XIRP2: variants seen among roughly 807,000 people sequenced by gnomAD.
XIRP2 encodes the protein xin actin binding repeat containing 2, also known as xin actin-binding repeat-containing protein 2.
XIRP2 carries 236 observed loss-of-function variants against 277.0 expected under a neutral mutation model. That is an observed-to-expected ratio of 0.85 (90% CI 0.77 to 0.95). The LOEUF (loss-of-function observed/expected upper bound fraction) is 0.95. Among genes scored for constraint, XIRP2 ranks in the 40% least tolerant of loss-of-function variants. XIRP2 has a pLI of 0.00. For synonymous variants in XIRP2, 1,490 were observed against 1,416.5 expected, an observed-to-expected ratio of 1.05 and a Z score of -1.17; for missense variants, 4,640 against 4,157.5, an observed-to-expected ratio of 1.12 and a Z score of -3.19.
intron 2 of XIRP2, among the ~76,000 whole-genome samples, chr2:166,987,944 C>A (rs772418526): frequency 6.6e-6 from 1 of 152,136 alleles, no homozygotes; most frequent in Non-Finnish European, 1.5e-5. Flanking sequence ...CCATAAAGTA[C>A]AATTCCAAGT....
chr2:167,083,513 G>T (rs963537369), intron 2 of XIRP2, among the ~76,000 whole-genome samples: 3 of 152,316 alleles, frequency 2.0e-5, no homozygotes, highest in African/African-American at 7.2e-5. Flanking sequence ...GGATGGCATT[G>T]AATCTGTAAA....
At chr2:167,063,957 T>C (rs1002595278) in intron 2 of XIRP2, among the ~76,000 whole-genome samples, 5 of 151,616 alleles carry the variant, frequency 3.3e-5, no homozygotes, top group Admixed American at 3.3e-4. Context: ...CTACATTTAG[T>C]GTACTATCAA....
rs144952064 is a variant in XIRP2, at chr2:167,226,535, C to T, written c.858+8235C>T. Among the ~76,000 whole-genome samples the T allele has an allele frequency of 2.2e-4, 34 of 152,276 alleles. 1 individual carries two copies. The East Asian group carries it at 6.4e-3, about 29-fold the overall frequency. ...TGTGTGGAAAACAAAAGCAAAAACACAAAGCAACCACACGAGGACTTGCAC... is the reference window on the plus strand; with the variant it reads ...TGTGTGGAAAACAAAAGCAAAAACATAAAGCAACCACACGAGGACTTGCAC... On this transcript the variant is annotated intron_variant, in intron 5 of 10. Coordinates refer to ENST00000409195, the MANE Select transcript of XIRP2 (RefSeq NM_152381.6).
At chr2:167,099,304 G>A (rs1690421374) in intron 2 of XIRP2, among the ~76,000 whole-genome samples, 1 of 152,156 alleles carries the variant, frequency 6.6e-6, no homozygotes. Flanking sequence ...TGTTTACTCT[G>A]TGAGGGGAAA....
intron 2 of XIRP2, among the ~76,000 whole-genome samples, chr2:166,951,221 A>C (rs1440204811): frequency 6.6e-6 from 1 of 152,096 alleles, no homozygotes; most frequent in Admixed American, 6.6e-5. Flanking sequence ...TTGCACTGCT[A>C]TAAATAAATA....
chr2:166,982,142 T>A (rs1346506758), intron 2 of XIRP2, among the ~76,000 whole-genome samples: 1 of 152,114 alleles, frequency 6.6e-6, no homozygotes, highest in Non-Finnish European at 1.5e-5. Context: ...TTTTTCTTTT[T>A]CTTTCGATAT....
In XIRP2 at chr2:167,244,377, T is replaced by C. The variant is rs1391417560; in HGVS notation, c.2985T>C (p.Leu995=). 1 of 1,613,514 alleles carries C rather than the reference T, an allele frequency of 6.2e-7. No homozygotes were observed. The highest frequency in any genetic ancestry group is 1.3e-5 in the African/African-American group (1 of 75,006). The change falls in exon 9 of 11, where the codon CTT becomes CTC. Residue 995 remains leucine, a synonymous_variant. Transcript: ENST00000409195. Reference sequence around the variant, plus strand: ...CACTGTATGCCATTCAAGATCCCCTTGGAAAATATCATCAAGTAAAGACAG... The same window carrying C: ...CACTGTATGCCATTCAAGATCCCCTCGGAAAATATCATCAAGTAAAGACAG... ...TTPLYAIQDP[L]GKYHQVKTVQ...
chr2:166,925,462 T>C (rs544718032), intron 2 of XIRP2, among the ~76,000 whole-genome samples: 1 of 151,704 alleles, frequency 6.6e-6, no homozygotes, highest in African/African-American at 2.4e-5. Context: ...TATGATATAA[T>C]AGTTGCTTCA....
At chr2:167,035,523 G>T (rs888493679) in intron 2 of XIRP2, among the ~76,000 whole-genome samples, 1 of 152,160 alleles carries the variant, frequency 6.6e-6, no homozygotes, top group Non-Finnish European at 1.5e-5. Flanking sequence ...ATGATTTAGG[G>T]TATCTGGTAG....
chr2:166,907,703 T>G (rs1050339347), intron 2 of XIRP2, among the ~76,000 whole-genome samples: 2 of 151,682 alleles, frequency 1.3e-5, no homozygotes, highest in East Asian at 3.9e-4. Flanking sequence ...CGTGTTGGTG[T>G]GCTGCACTCA....
At chr2:167,055,433 C>A (rs1179866983) in intron 2 of XIRP2, among the ~76,000 whole-genome samples, 1 of 152,106 alleles carries the variant, frequency 6.6e-6, no homozygotes, top group Non-Finnish European at 1.5e-5. Flanking sequence ...TAAGAAGATG[C>A]TTTTCATCAA....
At chr2:166,892,979 TATACACACACAC>T (rs1684145813) in intron 1 of XIRP2, among the ~76,000 whole-genome samples, 1 of 145,890 alleles carries the variant, frequency 6.9e-6, no homozygotes, top group Non-Finnish European at 1.5e-5. Flanking sequence ...TATATATGTA[TATACACACACAC>T]ACACACACAC....
chr2:167,033,913 G>A (rs1688435588), intron 2 of XIRP2, among the ~76,000 whole-genome samples: 1 of 151,984 alleles, frequency 6.6e-6, no homozygotes, highest in Admixed American at 6.6e-5. Context: ...GATGTTAATG[G>A]GCAAAAAGAA....
intron 2 of XIRP2, among the ~76,000 whole-genome samples, chr2:167,018,083 CAT>C (rs1687880493): frequency 6.6e-6 from 1 of 152,018 alleles, no homozygotes; most frequent in African/African-American, 2.4e-5. Context: ...TGCTTAATAA[CAT>C]TCCTCAATTT....
intron 3 of XIRP2, among the ~76,000 whole-genome samples, chr2:167,195,761 C>T (rs1693485409): frequency 6.6e-6 from 1 of 152,126 alleles, no homozygotes; most frequent in Non-Finnish European, 1.5e-5. Flanking sequence ...GGTATAGGGA[C>T]AAGAAAGGTT....
At chr2:167,203,349 T>C (rs1693773610) in intron 3 of XIRP2, among the ~76,000 whole-genome samples, 1 of 152,230 alleles carries the variant, frequency 6.6e-6, no homozygotes, top group African/African-American at 2.4e-5. Flanking sequence ...GAACGAATCC[T>C]TTTTATTACC....
intron 3 of XIRP2, among the ~76,000 whole-genome samples, chr2:167,200,412 C>T (rs1025747799): frequency 6.6e-6 from 1 of 152,040 alleles, no homozygotes; most frequent in Non-Finnish European, 1.5e-5. Flanking sequence ...AAACATAGAG[C>T]AGGAAAAAAA....
rs1687233387 is a variant in XIRP2, at chr2:166,996,784, T to G, written c.408+92894T>G. ...GTTGAGCACCCCTTCTTACGACCACTCCAGTGCACAACACACACACATAAA... is the reference window on the plus strand; with the variant it reads ...GTTGAGCACCCCTTCTTACGACCACGCCAGTGCACAACACACACACATAAA... On this transcript the variant is annotated intron_variant, in intron 2 of 10. Coordinates refer to ENST00000409195, the MANE Select transcript of XIRP2 (RefSeq NM_152381.6). 2.6e-5 allele frequency among the ~76,000 whole-genome samples: 4 copies of G among 152,046 alleles called. No individual in the cohort carries two copies. The South Asian group carries it at 8.3e-4, about 31-fold the overall frequency.
intron 2 of XIRP2, among the ~76,000 whole-genome samples, chr2:166,925,664 T>C (rs1169833641): frequency 1.3e-5 from 2 of 148,532 alleles, no homozygotes; most frequent in Non-Finnish European, 3.0e-5. Flanking sequence ...CTCCTCCAAC[T>C]ATTCTCATAG....
Sources: gnomAD v4.1 joint callset for allele counts (sites outside exome capture counted in the v4.1 genomes callset) on GRCh38, gnomAD v4.1.1 for gene constraint, MANE v1.5 for transcripts, NCBI Gene and HGNC (gene_info 2026-07-23, HGNC 2026-07-21) for gene names.